The following KIAA0232 variants were observed in gnomAD, a reference collection of about 807,000 sequenced individuals.
The protein encoded by KIAA0232 is uncharacterized protein KIAA0232.
In KIAA0232, 27 loss-of-function variants were observed where a neutral mutation model predicts 122.0. The observed-to-expected ratio is 0.22, with a 90% CI of 0.16 to 0.31. The LOEUF is 0.31. Ranked by LOEUF, KIAA0232 falls within the 10% of genes least tolerant of loss-of-function variation. KIAA0232 has a pLI of 1.00. For missense variants in KIAA0232, 1,551 were observed against 1,634.2 expected (o/e 0.95, Z 0.88); for synonymous variants, 613 against 587.6 (o/e 1.04, Z -0.63).
At chr4:6,815,576 C>T (rs544011766) in intron 2 of KIAA0232, among the ~76,000 whole-genome samples, 4 of 152,276 alleles carry the variant, frequency 2.6e-5, no homozygotes, top group African/African-American at 4.8e-5. Flanking sequence ...AAGAAGCCAT[C>T]GTGTGGTTGG....
At chr4:6,796,974 C>T (rs1019955742) in intron 1 of KIAA0232, among the ~76,000 whole-genome samples, 8 of 152,250 alleles carry the variant, frequency 5.3e-5, no homozygotes, top group Middle Eastern at 3.2e-3. Flanking sequence ...GGGACATTTA[C>T]TGACAACAGT....
At chr4:6,820,267 A>T (rs1279128293) in intron 2 of KIAA0232, among the ~76,000 whole-genome samples, 1 of 152,212 alleles carries the variant, frequency 6.6e-6, no homozygotes, top group African/African-American at 2.4e-5. Context: ...GTTAAAAAGA[A>T]AAAAGAAGAC....
chr4:6,822,940 C>T (rs1174833528), intron 2 of KIAA0232, among the ~76,000 whole-genome samples: 8 of 126,954 alleles, frequency 6.3e-5, no homozygotes, highest in Non-Finnish European at 6.6e-5. Flanking sequence ...CCCCCCACAC[C>T]ACAACAGTCC....
chr4:6,784,784 T>C (rs1015816360), intron 1 of KIAA0232, among the ~76,000 whole-genome samples: 3 of 152,182 alleles, frequency 2.0e-5, no homozygotes, highest in Non-Finnish European at 4.4e-5. Flanking sequence ...ATTATTCTTA[T>C]TTATTTCCAT....
intron 8 of KIAA0232, among the ~76,000 whole-genome samples, chr4:6,872,833 C>T (rs761660043): frequency 2.0e-5 from 3 of 152,226 alleles, no homozygotes; most frequent in Non-Finnish European, 2.9e-5. Context: ...GCCTCCCTGG[C>T]ATCCCTCGGC....
At chr4:6,841,783 A>G (rs1290483149) in intron 3 of KIAA0232, among the ~76,000 whole-genome samples, 1 of 152,242 alleles carries the variant, frequency 6.6e-6, no homozygotes. Context: ...ACTATAAAGC[A>G]TCTTTGAAAG....
intron 7 of KIAA0232, among the ~76,000 whole-genome samples, chr4:6,867,875 A>G (rs1488777035): frequency 6.6e-6 from 1 of 152,230 alleles, no homozygotes; most frequent in Non-Finnish European, 1.5e-5. Context: ...GGACAGGCAA[A>G]GCATTTTCCA....
At chr4:6,874,887 G>A (rs1208611968) in intron 8 of KIAA0232, among the ~76,000 whole-genome samples, 7 of 152,238 alleles carry the variant, frequency 4.6e-5, no homozygotes, top group South Asian at 2.1e-4. Flanking sequence ...ATACCCTGTG[G>A]CACAATAAAA....
Position 6,880,878 on chromosome 4 carries a change from G to GCTCCAC in KIAA0232, c.4104_4109dup (p.Thr1369_Ser1370dup), listed in dbSNP as rs754186991. ...CGCGGAAAGATGTGCTCCAGCGCCA[G>GCTCCAC]CTCCACCTCGGAAGAGACAGGCTCA... On this transcript the variant is annotated inframe_insertion, in exon 10 of 10. Coordinates refer to ENST00000307659, the MANE Select transcript of KIAA0232 (RefSeq NM_014743.3). 112 of 1,607,708 alleles carry GCTCCAC rather than the reference G, an allele frequency of 7.0e-5. No homozygotes were observed. The highest frequency in any genetic ancestry group is 3.3e-4 in the Middle Eastern group (2 of 6,048).
chr4:6,861,709 G>A lies in KIAA0232; in HGVS notation c.1327G>A (p.Glu443Lys), dbSNP rs1279425946. The A allele has an allele frequency of 5.6e-6, 9 of 1,614,014 alleles. No individual in the cohort carries two copies. The highest frequency in any genetic ancestry group is 5.3e-5 in the African/African-American group (4 of 74,912). ...ATCAGAGGCAGTGGAAGAATTGTCT[G>A]AATCAGTGCATGGTCTTTGTATCAG... is the stretch of plus-strand genomic sequence containing the variant. The part of the protein sequence containing the change: ...LTSEAVEELS[E>K]SVHGLCISNN... Residue 443 changes from glutamate (E) to lysine (K), a missense_variant, in exon 7 of 10, where the codon GAA (glutamate) becomes AAA (lysine). Physicochemically the swap from Glu to Lys is moderately conservative, Grantham distance 56 (BLOSUM62 1). Around this residue, in one of 5 missense-constraint regions of KIAA0232, gnomAD observed 1,108 missense variants for 1,154.8 expected, o/e 0.96. Transcript: ENST00000307659.
intron 9 of KIAA0232, among the ~76,000 whole-genome samples, chr4:6,879,939 G>A (rs75090875): frequency 0.19 from 3,668 of 19,146 alleles, 196 homozygotes; most frequent in South Asian, 0.29. Context: ...CAACACACCC[G>A]TCTGCAGTGC....
chr4:6,810,250 TAG>T (rs1717816861), intron 2 of KIAA0232, among the ~76,000 whole-genome samples: 5 of 152,128 alleles, frequency 3.3e-5, no homozygotes, highest in Admixed American at 3.3e-4. Flanking sequence ...TGGCACAGAA[TAG>T]AGAGTCCAGA....
chr4:6,844,560 C>T (rs774421619), intron 4 of KIAA0232, among the ~76,000 whole-genome samples: 6 of 151,928 alleles, frequency 3.9e-5, no homozygotes, highest in East Asian at 1.9e-4. Context: ...CTCAGCCTCC[C>T]GAGTAGCTGG....
At chr4:6,795,503 A>G (rs2108893947) in intron 1 of KIAA0232, among the ~76,000 whole-genome samples, 1 of 152,322 alleles carries the variant, frequency 6.6e-6, no homozygotes, top group South Asian at 2.1e-4. Flanking sequence ...CCTTCATTAT[A>G]TTTGGAGTGA....
chr4:6,861,173 T>A lies in KIAA0232; in HGVS notation c.791T>A (p.Ile264Asn). 6.2e-7 allele frequency: 1 copy of A among 1,614,118 alleles called. No individual in the cohort carries two copies. The highest frequency in any genetic ancestry group is 8.5e-7 in the Non-Finnish European group (1 of 1,180,022). Residue 264 changes from isoleucine (I) to asparagine (N), a missense_variant, in exon 7 of 10, where the codon ATT becomes AAT. Ile to Asn is a moderately radical substitution (Grantham distance 149). Coordinates refer to ENST00000307659, the MANE Select transcript of KIAA0232 (RefSeq NM_014743.3). ...GAAAACAAATTTAGTAATGGCACAATTGAAGAAAAGCCTGCTTTGTACAAA... is the reference window on the plus strand; with the variant it reads ...GAAAACAAATTTAGTAATGGCACAAATGAAGAAAAGCCTGCTTTGTACAAA... ...EKENKFSNGTIEEKPALYKKQ... is the reference protein window; with the variant it reads ...EKENKFSNGTNEEKPALYKKQ...
At chr4:6,852,523 T>A (rs1196476660) in intron 4 of KIAA0232, among the ~76,000 whole-genome samples, 1 of 152,216 alleles carries the variant, frequency 6.6e-6, no homozygotes, top group African/African-American at 2.4e-5. Flanking sequence ...ACCACTAATC[T>A]TCCAACTCTG....
chr4:6,853,280 T>C (rs1560194220), intron 4 of KIAA0232, among the ~76,000 whole-genome samples: 1 of 152,108 alleles, frequency 6.6e-6, no homozygotes, highest in Admixed American at 6.6e-5. Context: ...AAAAACTCAA[T>C]AGACGGTTTG....
chr4:6,796,312 G>T (rs2108897732), intron 1 of KIAA0232, among the ~76,000 whole-genome samples: 1 of 152,128 alleles, frequency 6.6e-6, no homozygotes, highest in African/African-American at 2.4e-5. Flanking sequence ...CACGATCTCA[G>T]CTCACTGCAG....
intron 7 of KIAA0232, among the ~76,000 whole-genome samples, chr4:6,865,864 T>G (rs559980947): frequency 2.0e-5 from 3 of 152,368 alleles, no homozygotes; most frequent in Admixed American, 2.0e-4. Context: ...ACTTTATGCC[T>G]CTTTTTGATT....
Sources: gnomAD v4.1 joint callset for allele counts (sites outside exome capture counted in the v4.1 genomes callset) on GRCh38, gnomAD v4.1.1 for gene constraint, gnomAD v4.1.1 regional missense constraint, MANE v1.5 for transcripts, NCBI Gene and HGNC (gene_info 2026-07-23, HGNC 2026-07-21) for gene names.